The following EYA1 variants were observed in gnomAD, a reference collection of about 807,000 sequenced individuals.
EYA1 encodes the protein protein phosphatase EYA1.
EYA1 carries 16 observed loss-of-function variants against 82.0 expected under a neutral mutation model. The observed-to-expected ratio is 0.20, with a 90% CI of 0.13 to 0.30. The LOEUF (loss-of-function observed/expected upper bound fraction) is 0.30. Ranked by LOEUF, EYA1 falls within the 10% of genes least tolerant of loss-of-function variation. EYA1 has a pLI of 1.00. For synonymous variants in EYA1, 261 were observed against 264.4 expected (o/e 0.99, Z 0.12); for missense variants, 633 against 730.7 (o/e 0.87, Z 1.54).
chr8:71,483,438 G>A (rs1810327227), intron 2 of EYA1, among the ~76,000 whole-genome samples: 1 of 152,012 alleles, frequency 6.6e-6, no homozygotes, highest in South Asian at 2.1e-4. Flanking sequence ...GAAATAAACT[G>A]AGCTTCAGTG....
At chr8:71,260,057 A>C (rs967825019) in intron 11 of EYA1, among the ~76,000 whole-genome samples, 25 of 152,164 alleles carry the variant, frequency 1.6e-4, no homozygotes, top group African/African-American at 2.2e-4. Flanking sequence ...TGCTAGATAC[A>C]CCTGTAAAGC....
chr8:71,397,027 C>G (rs145531042), intron 2 of EYA1, among the ~76,000 whole-genome samples: 4,170 of 152,306 alleles, frequency 0.027, 66 homozygotes, highest in Middle Eastern at 0.085. Context: ...GAATTGATCC[C>G]TTTACCATTA....
intron 2 of EYA1, among the ~76,000 whole-genome samples, chr8:71,454,146 A>C (rs1807664890): frequency 6.6e-6 from 1 of 152,214 alleles, no homozygotes; most frequent in Admixed American, 6.5e-5. Flanking sequence ...ACAGACTTTA[A>C]ACCAACAAAG....
At chr8:71,445,193 T>C (rs1806783056) in intron 2 of EYA1, among the ~76,000 whole-genome samples, 1 of 152,214 alleles carries the variant, frequency 6.6e-6, no homozygotes, top group South Asian at 2.1e-4. Flanking sequence ...AAATTTACCT[T>C]CGTCATCCAT....
intron 1 of EYA1, among the ~76,000 whole-genome samples, chr8:71,360,363 T>A (rs1233589965): frequency 6.6e-6 from 1 of 152,222 alleles, no homozygotes. Flanking sequence ...GTGTTTTTCT[T>A]CTTTACAATG....
chr8:71,358,245 T>A (rs769058376), intron 1 of EYA1, among the ~76,000 whole-genome samples: 2 of 152,204 alleles, frequency 1.3e-5, no homozygotes, highest in Non-Finnish European at 2.9e-5. Context: ...CTGTTGTTAA[T>A]AAAGAAAAAG....
At chr8:71,522,030 T>G (rs977641102) in intron 2 of EYA1, among the ~76,000 whole-genome samples, 3 of 152,182 alleles carry the variant, frequency 2.0e-5, no homozygotes, top group African/African-American at 4.8e-5. Context: ...ATTAAGGGAC[T>G]TTACTACATC....
chr8:71,296,579 C>T (rs1441028603), intron 9 of EYA1, among the ~76,000 whole-genome samples: 28 of 151,264 alleles, frequency 1.9e-4, no homozygotes, highest in Non-Finnish European at 8.8e-5. Flanking sequence ...TAGAGTCTAA[C>T]TCTCCAGTAT....
chr8:71,238,272 C>T (rs1812080698), intron 12 of EYA1, among the ~76,000 whole-genome samples: 1 of 152,126 alleles, frequency 6.6e-6, no homozygotes, highest in South Asian at 2.1e-4. Context: ...TTCTCTCATA[C>T]TTAGTCCAAT....
intron 2 of EYA1, among the ~76,000 whole-genome samples, chr8:71,367,648 G>A (rs149131168): frequency 2.4e-3 from 366 of 151,744 alleles, no homozygotes; most frequent in African/African-American, 8.5e-3. Context: ...CACTGCAATC[G>A]CATTGCTATT....
intron 7 of EYA1, among the ~76,000 whole-genome samples, chr8:71,301,889 G>A (rs927619845): frequency 6.6e-6 from 1 of 152,062 alleles, no homozygotes; most frequent in Non-Finnish European, 1.5e-5. Flanking sequence ...AGACCTCACA[G>A]GGCTTATCAG....
At chr8:71,411,953 A>G (rs1221529739) in intron 2 of EYA1, among the ~76,000 whole-genome samples, 1 of 151,734 alleles carries the variant, frequency 6.6e-6, no homozygotes, top group East Asian at 1.9e-4. Flanking sequence ...AGCATTATTC[A>G]CAATAGCAAA....
intron 2 of EYA1, among the ~76,000 whole-genome samples, chr8:71,521,246 T>C (rs2129270358): frequency 6.6e-6 from 1 of 152,206 alleles, no homozygotes; most frequent in Non-Finnish European, 1.5e-5. Flanking sequence ...ACTACAAAAA[T>C]GGCTGAATAT....
intron 11 of EYA1, among the ~76,000 whole-genome samples, chr8:71,264,563 A>G (rs1019481527): frequency 6.8e-6 from 1 of 148,128 alleles, no homozygotes; most frequent in Non-Finnish European, 1.5e-5. Context: ...GGACTTTTAC[A>G]TTCGTGAGCA....
chr8:71,362,298 T>A (rs914267408), upstream of EYA1: 14 of 523,012 alleles, frequency 2.7e-5, no homozygotes, highest in Admixed American at 1.5e-4. Context: ...AAAAAAAAAA[T>A]TATGTAAATG....
At chr8:71,239,779 C>T (rs763955332) in intron 12 of EYA1, among the ~76,000 whole-genome samples, 6 of 152,184 alleles carry the variant, frequency 3.9e-5, no homozygotes, top group Non-Finnish European at 5.9e-5. Context: ...CTCTAGCATC[C>T]ACACAAAAGC....
At chr8:71,340,293 T>C (rs1307251621) in intron 3 of EYA1, among the ~76,000 whole-genome samples, 1 of 152,190 alleles carries the variant, frequency 6.6e-6, no homozygotes, top group Non-Finnish European at 1.5e-5. Flanking sequence ...TTCATACACT[T>C]TTTATTTGCA....
intron 3 of EYA1, 57 bp downstream of exon 3, chr8:71,354,725 G>C: frequency 9.0e-6 from 14 of 1,554,788 alleles, no homozygotes; most frequent in Non-Finnish European, 1.2e-5. Context: ...TAATAACAAA[G>C]CATATACTGA....
chr8:71,509,144 C>A (rs533631600), intron 2 of EYA1, among the ~76,000 whole-genome samples: 1 of 151,950 alleles, frequency 6.6e-6, no homozygotes, highest in African/African-American at 2.4e-5. Flanking sequence ...CCAGAGAATC[C>A]CTTGAGCCCA....
Sources: allele counts gnomAD v4.1 joint callset (sites outside exome capture counted in the v4.1 genomes callset), GRCh38; gene constraint gnomAD v4.1.1; transcripts MANE v1.5; gene names NCBI Gene and HGNC (gene_info 2026-07-23, HGNC 2026-07-21).